Variants in MACROD2 observed in about 807,000 individuals in gnomAD.
MACROD2 encodes mono-ADP ribosylhydrolase 2.
In MACROD2, 36 loss-of-function variants were observed where a neutral mutation model predicts 70.4. The ratio of observed to expected loss-of-function variants is 0.51; its 90% CI spans 0.39 to 0.68. The LOEUF (loss-of-function observed/expected upper bound fraction) is 0.68, where lower values mean the gene tolerates loss of function less well. MACROD2 is among the 30% of genes least tolerant of loss of function. MACROD2 has a pLI of 0.00. For missense variants in MACROD2, 496 were observed against 538.4 expected, an observed-to-expected ratio of 0.92 and a Z score of 0.78; for synonymous variants, 172 against 178.8, an observed-to-expected ratio of 0.96 and a Z score of 0.30.
chr20:15,691,770 G>C (rs1264167703), intron 8 of MACROD2, among the ~76,000 whole-genome samples: 2 of 152,094 alleles, frequency 1.3e-5, no homozygotes, highest in Admixed American at 1.3e-4. Flanking sequence ...TCTGCTTTTG[G>C]GGTTCTTTCC....
At chr20:15,645,791 G>T (rs1250952835) in intron 8 of MACROD2, among the ~76,000 whole-genome samples, 1 of 152,164 alleles carries the variant, frequency 6.6e-6, no homozygotes, top group Non-Finnish European at 1.5e-5. Context: ...TGAATGCATG[G>T]CTAGGCCTTT....
At chr20:14,581,459 T>TTTA in intron 4 of MACROD2, among the ~76,000 whole-genome samples, 1 of 152,344 alleles carries the variant, frequency 6.6e-6, no homozygotes. Flanking sequence ...TTCTTGGCCT[T>TTTA]TTAAAAAACA....
intron 3 of MACROD2, among the ~76,000 whole-genome samples, chr20:14,265,678 CT>C (rs1360625292): frequency 1.3e-5 from 2 of 151,982 alleles, no homozygotes; most frequent in East Asian, 1.9e-4. Flanking sequence ...TTATTTGCCC[CT>C]ACTATATCTC....
intron 5 of MACROD2, among the ~76,000 whole-genome samples, chr20:15,223,135 CA>C (rs1201905851): frequency 6.6e-6 from 1 of 152,094 alleles, no homozygotes; most frequent in Non-Finnish European, 1.5e-5. Flanking sequence ...AATAGATGAG[CA>C]AAAACAGATT....
At chr20:14,238,014 T>C (rs1044072394) in intron 3 of MACROD2, among the ~76,000 whole-genome samples, 5 of 152,272 alleles carry the variant, frequency 3.3e-5, no homozygotes, top group Admixed American at 2.6e-4. Flanking sequence ...TACGTGTGCA[T>C]GTGTCTTTAT....
Position 15,967,609 on chromosome 20 carries a change from C to A in MACROD2, c.964C>A (p.Arg322Ser), listed in dbSNP as rs150223084. ...CGGTGAAGTGACAGATCATTCTGTGCGTGACCAAGATCATCCCGATGGTAG... is the reference window on the plus strand; with the variant it reads ...CGGTGAAGTGACAGATCATTCTGTGAGTGACCAAGATCATCCCGATGGTAG... ...KGGEVTDHSVRDQDHPDGQEN... is the reference protein window; with the variant it reads ...KGGEVTDHSVSDQDHPDGQEN... The change falls in exon 13 of 18, where the codon CGT (arginine) becomes AGT (serine). Residue 322 changes from arginine to serine, a missense_variant. Arg to Ser is a moderately radical substitution (Grantham distance 110). Transcript: ENST00000684519. The A allele has an allele frequency of 2.5e-6, 4 of 1,597,852 alleles. No individual in the cohort carries two copies. The highest frequency in any genetic ancestry group is 1.7e-4 in the Middle Eastern group (1 of 5,996).
At chr20:15,608,248 A>G (rs567029682) in intron 8 of MACROD2, among the ~76,000 whole-genome samples, 4 of 151,950 alleles carry the variant, frequency 2.6e-5, no homozygotes, top group South Asian at 4.2e-4. Context: ...TCAAACGTGC[A>G]CTCTCTCCCT....
At chr20:15,537,766 G>A (rs1262609593) in intron 8 of MACROD2, among the ~76,000 whole-genome samples, 2 of 152,100 alleles carry the variant, frequency 1.3e-5, no homozygotes, top group East Asian at 3.8e-4. Flanking sequence ...GAGCCACCAT[G>A]CCAGGCCCCA....
chr20:15,045,185 G>A (rs377201), intron 5 of MACROD2, among the ~76,000 whole-genome samples: 16,941 of 152,214 alleles, frequency 0.11, 1,278 homozygotes, highest in Non-Finnish European at 0.16. Flanking sequence ...AGAATTGTCA[G>A]TAACAAGTTC....
At chr20:14,129,985 A>C (rs890901690) in intron 3 of MACROD2, among the ~76,000 whole-genome samples, 6 of 152,184 alleles carry the variant, frequency 3.9e-5, no homozygotes, top group Non-Finnish European at 8.8e-5. Context: ...TGTTTTATAA[A>C]AGTTGTCTGG....
chr20:14,244,790 TAC>T (rs2122245653), intron 3 of MACROD2, among the ~76,000 whole-genome samples: 1 of 152,350 alleles, frequency 6.6e-6, no homozygotes, highest in Non-Finnish European at 1.5e-5. Flanking sequence ...GCTGTGATAT[TAC>T]TTGGCTCTTT....
chr20:15,928,941 A>G (rs1314932215), intron 10 of MACROD2, among the ~76,000 whole-genome samples: 5 of 152,188 alleles, frequency 3.3e-5, no homozygotes, highest in Admixed American at 3.3e-4. Flanking sequence ...TTTATAAAAG[A>G]GTGCTAATTT....
chr20:14,375,080 C>T (rs1207783411), intron 3 of MACROD2, among the ~76,000 whole-genome samples: 2 of 151,932 alleles, frequency 1.3e-5, no homozygotes, highest in Non-Finnish European at 2.9e-5. Context: ...GAAATTATTT[C>T]CTCCCTTTTG....
intron 3 of MACROD2, among the ~76,000 whole-genome samples, chr20:14,427,554 T>C (rs1277813842): frequency 6.6e-6 from 1 of 151,916 alleles, no homozygotes; most frequent in Admixed American, 6.6e-5. Context: ...CATATCTCAC[T>C]ATATTATATA....
chr20:14,529,376 T>C (rs1026056308), intron 4 of MACROD2, among the ~76,000 whole-genome samples: 3 of 152,338 alleles, frequency 2.0e-5, no homozygotes, highest in Non-Finnish European at 4.4e-5. Flanking sequence ...GTGTATTGGC[T>C]TTTGTCTTCA....
At chr20:15,786,381 A>G in intron 8 of MACROD2, among the ~76,000 whole-genome samples, 1 of 152,228 alleles carries the variant, frequency 6.6e-6, no homozygotes, top group South Asian at 2.1e-4. Context: ...GAAAATTTTC[A>G]ATAGCAAGGC....
At chr20:15,451,218 T>C (rs1471135606) in intron 7 of MACROD2, among the ~76,000 whole-genome samples, 4 of 152,038 alleles carry the variant, frequency 2.6e-5, no homozygotes, top group Non-Finnish European at 5.9e-5. Flanking sequence ...GTCAGAGGTA[T>C]GCTTCTCTTT....
At chr20:15,034,012 C>T (rs1033915538) in intron 5 of MACROD2, among the ~76,000 whole-genome samples, 6 of 152,090 alleles carry the variant, frequency 3.9e-5, no homozygotes, top group Non-Finnish European at 7.4e-5. Context: ...ATGTTTCCCC[C>T]GTTTGGAGGT....
intron 2 of MACROD2, among the ~76,000 whole-genome samples, chr20:14,046,798 A>G (rs754721583): frequency 6.6e-6 from 1 of 151,414 alleles, no homozygotes; most frequent in African/African-American, 2.4e-5. Flanking sequence ...GATATTATTG[A>G]TGGGTTACAA....
Sources: gnomAD v4.1 joint callset for allele counts (sites outside exome capture counted in the v4.1 genomes callset) on GRCh38, gnomAD v4.1.1 for gene constraint, MANE v1.5 for transcripts, NCBI Gene and HGNC (gene_info 2026-07-23, HGNC 2026-07-21) for gene names.